The following KIF6 variants were observed in gnomAD, a reference collection of about 807,000 sequenced individuals.
KIF6 encodes kinesin-like protein KIF6.
A neutral mutation model predicts 112.7 loss-of-function variants in KIF6; 106 were observed. The observed-to-expected ratio is 0.94, with a 90% CI of 0.80 to 1.11. The LOEUF is 1.11. Among genes scored for constraint, KIF6 ranks in the 50% least tolerant of loss-of-function variants. The pLI, the probability that KIF6 is intolerant of heterozygous loss-of-function variation, is 0.00. For synonymous variants in KIF6, 339 were observed against 339.9 expected (o/e 1.00, Z 0.03); for missense variants, 929 against 964.0 (o/e 0.96, Z 0.48).
rs182629321 is a variant in KIF6, at chr6:39,650,866, C to A, written c.252-11109G>T. 3.7e-3 allele frequency among the ~76,000 whole-genome samples: 565 copies of A among 152,072 alleles called. 7 individuals are homozygous for A. Among genetic ancestry groups the A allele is most frequent in the Non-Finnish European group, 6.0e-3 (406 of 68,000 alleles). ...CTGAGTTCTCTGTCAGTAAATTGATCAATCACATTTCTTAAGCATTCATGA... is the reference window on the plus strand; with the variant it reads ...CTGAGTTCTCTGTCAGTAAATTGATAAATCACATTTCTTAAGCATTCATGA... On this transcript the variant is annotated intron_variant, in intron 3 of 22. Coordinates refer to ENST00000287152, the MANE Select transcript of KIF6 (RefSeq NM_145027.6).
intron 19 of KIF6, among the ~76,000 whole-genome samples, chr6:39,351,182 C>CTTTTTTTTTT (rs5875669): frequency 9.4e-6 from 1 of 106,814 alleles, no homozygotes; most frequent in African/African-American, 3.5e-5. Context: ...TAGGATTAAA[C>CTTTTTTTTTT]TTTTTTTTTT....
chr6:39,461,396 C>T (rs1278095005), intron 13 of KIF6, among the ~76,000 whole-genome samples: 2 of 152,026 alleles, frequency 1.3e-5, no homozygotes, highest in Non-Finnish European at 2.9e-5. Flanking sequence ...TCACCTTTAC[C>T]TTCCTCTCAC....
At chr6:39,565,467 C>A (rs1016642811) in intron 10 of KIF6, among the ~76,000 whole-genome samples, 1 of 152,208 alleles carries the variant, frequency 6.6e-6, no homozygotes, top group Admixed American at 6.5e-5. Flanking sequence ...TTCCGCAAGC[C>A]CAGGGAATCA....
At chr6:39,712,594 G>T (rs1460002433) in intron 3 of KIF6, among the ~76,000 whole-genome samples, 1 of 152,146 alleles carries the variant, frequency 6.6e-6, no homozygotes, top group Non-Finnish European at 1.5e-5. Flanking sequence ...GCCAGGTGCG[G>T]TGGCTCACAC....
chr6:39,536,007 G>A (rs1376080550), intron 13 of KIF6, among the ~76,000 whole-genome samples: 1 of 151,776 alleles, frequency 6.6e-6, no homozygotes, highest in Non-Finnish European at 1.5e-5. Flanking sequence ...GATGTTCTTT[G>A]AAACCAACAG....
At position 39,357,300 on chromosome 6, in the gene KIF6, C is replaced by T. The variant is rs764196404; in HGVS notation, c.2157G>A (p.Trp719Ter). 43 of 1,613,354 alleles carry T rather than the reference C, an allele frequency of 2.7e-5. No individual in the cohort carries two copies. The Admixed American group carries it at 7.0e-4, about 26-fold the overall frequency. Residue 719 changes from tryptophan to a stop codon, truncating the protein, a stop_gained, in exon 19 of 23, where the codon TGG becomes TGA. Coordinates refer to ENST00000287152, the MANE Select transcript of KIF6 (RefSeq NM_145027.6). LOFTEE classifies it high-confidence loss of function. ...ACCTTTTGTTAGAGAGGAGTTGGGA[C>T]CATTCATGCTGGGAGTCAGATGTCT... ...FLQTSDSQHE[W>*]SQLLSNKSSG...
intron 16 of KIF6, among the ~76,000 whole-genome samples, chr6:39,366,830 A>T (rs114771686): frequency 0.023 from 3,511 of 151,764 alleles, 142 homozygotes; most frequent in African/African-American, 0.08. Flanking sequence ...GCTTTGAGAG[A>T]GATGGGAGTA....
intron 20 of KIF6, among the ~76,000 whole-genome samples, chr6:39,346,088 C>T (rs1247237191): frequency 0.26 from 8,714 of 34,160 alleles, 1,771 homozygotes; most frequent in East Asian, 0.39. Context: ...CTCTCTCTCC[C>T]CCCCCTCTCC....
chr6:39,720,431 TGGG>T (rs1241249022), intron 2 of KIF6, among the ~76,000 whole-genome samples: 1 of 151,244 alleles, frequency 6.6e-6, no homozygotes, highest in Non-Finnish European at 1.5e-5. Context: ...TAAACAAGAG[TGGG>T]TTGAGTAGGA....
chr6:39,396,541 A>G (rs534122198), intron 15 of KIF6, among the ~76,000 whole-genome samples: 2 of 152,316 alleles, frequency 1.3e-5, no homozygotes, highest in East Asian at 1.9e-4. Flanking sequence ...CGGCAGGAGA[A>G]GTTGCAGAGG....
At chr6:39,481,699 A>G (rs78764817) in intron 13 of KIF6, among the ~76,000 whole-genome samples, 9,464 of 152,142 alleles carry the variant, frequency 0.062, 502 homozygotes, top group East Asian at 0.25. Context: ...TAATGTCCAC[A>G]ATTGAGATCT....
At chr6:39,541,347 T>C (rs1404258104) in intron 12 of KIF6, among the ~76,000 whole-genome samples, 1 of 152,218 alleles carries the variant, frequency 6.6e-6, no homozygotes, top group Non-Finnish European at 1.5e-5. Flanking sequence ...AACATGTACT[T>C]ACCAAAAATG....
At chr6:39,465,618 A>G (rs1206085714) in intron 13 of KIF6, among the ~76,000 whole-genome samples, 2 of 152,176 alleles carry the variant, frequency 1.3e-5, no homozygotes, top group Non-Finnish European at 2.9e-5. Context: ...ACATCCTTCC[A>G]AAATAAATCT....
chr6:39,611,359 A>G (rs1783205468), intron 6 of KIF6, among the ~76,000 whole-genome samples: 1 of 152,238 alleles, frequency 6.6e-6, no homozygotes, highest in Admixed American at 6.5e-5. Flanking sequence ...GAATTTTGTA[A>G]GGTGGTAAGA....
At chr6:39,507,594 G>C (rs893153222) in intron 13 of KIF6, among the ~76,000 whole-genome samples, 4 of 145,810 alleles carry the variant, frequency 2.7e-5, no homozygotes, top group Non-Finnish European at 4.5e-5. Flanking sequence ...GCTTGATTCT[G>C]TCACAGGAAG....
At chr6:39,417,352 T>C (rs12527811) in intron 15 of KIF6, among the ~76,000 whole-genome samples, 18,247 of 152,208 alleles carry the variant, frequency 0.12, 1,408 homozygotes, top group East Asian at 0.23. Flanking sequence ...CACTGTGGTA[T>C]TTGCATAAAG....
chr6:39,506,585 A>G (rs1776440728), intron 13 of KIF6, among the ~76,000 whole-genome samples: 1 of 152,166 alleles, frequency 6.6e-6, no homozygotes, highest in South Asian at 2.1e-4. Flanking sequence ...CAGAGCTCCT[A>G]AAACCCTCGG....
At chr6:39,476,314 G>A (rs1774425394) in intron 13 of KIF6, among the ~76,000 whole-genome samples, 1 of 151,944 alleles carries the variant, frequency 6.6e-6, no homozygotes, top group East Asian at 1.9e-4. Context: ...ACTAGCTGTG[G>A]TTTCCCTGTG....
Position 39,639,548 on chromosome 6 carries a change from C to T in KIF6, c.399+62G>A, listed in dbSNP as rs1005541739. 7.7e-6 allele frequency: 10 copies of T among 1,296,104 alleles called. No homozygotes were observed. In the African/African-American group the frequency reaches 1.5e-4, roughly 20 times the overall value. The allele number at this position is 1,296,104 out of a possible 1,614,324, so 80.3% of individuals were successfully genotyped here. A position where few individuals can be genotyped will look rare whatever the true frequency, so the allele number is the denominator to read the frequency against. ...AATACATGTCATAATAAATTTCCTG[C>T]TTTCAGTATATTTTTGCTGAATATA... On this transcript the variant is annotated intron_variant, in intron 4 of 22. Coordinates refer to ENST00000287152, the MANE Select transcript of KIF6 (RefSeq NM_145027.6).
Sources: allele counts gnomAD v4.1 joint callset (sites outside exome capture counted in the v4.1 genomes callset), GRCh38; gene constraint gnomAD v4.1.1; transcripts MANE v1.5; gene names NCBI Gene and HGNC (gene_info 2026-07-23, HGNC 2026-07-21).